RSU1: variants seen among roughly 807,000 people sequenced by gnomAD.
The protein encoded by RSU1 is Ras suppressor protein 1, also known as rsu-1.
RSU1 carries 26 observed loss-of-function variants against 31.1 expected under a neutral mutation model. The observed-to-expected ratio is 0.84, with a 90% CI of 0.61 to 1.16. RSU1 has a LOEUF of 1.16. RSU1 is among the 50% of genes most tolerant of loss of function. The probability of loss-of-function intolerance (pLI) is 0.00; values close to 1 mark genes in which losing one functional copy is unlikely to be tolerated. For synonymous variants in RSU1, 164 were observed against 136.3 expected (o/e 1.20, Z -1.41); for missense variants, 320 against 339.1 (o/e 0.94, Z 0.44).
intron 8 of RSU1, among the ~76,000 whole-genome samples, chr10:16,640,248 T>C (rs1307254387): frequency 2.6e-5 from 4 of 152,132 alleles, no homozygotes; most frequent in African/African-American, 4.8e-5. Flanking sequence ...GGTGGGAGCA[T>C]AACCCCGAGA....
chr10:16,728,880 C>T (rs527487369), intron 7 of RSU1, among the ~76,000 whole-genome samples: 1 of 152,146 alleles, frequency 6.6e-6, no homozygotes, highest in Non-Finnish European at 1.5e-5. Context: ...AGGCAAGGAG[C>T]CATTCTCCTC....
intron 2 of RSU1, among the ~76,000 whole-genome samples, chr10:16,805,886 G>C (rs1019773910): frequency 3.3e-5 from 5 of 152,082 alleles, no homozygotes; most frequent in African/African-American, 1.2e-4. Context: ...ATGAGGACTA[G>C]AAGGAGGAGT....
chr10:16,713,494 C>T (rs1347957551), intron 7 of RSU1, among the ~76,000 whole-genome samples: 2 of 152,154 alleles, frequency 1.3e-5, no homozygotes, highest in African/African-American at 4.8e-5. Context: ...CTTTCACTTG[C>T]ACTTTTTATT....
intron 8 of RSU1, among the ~76,000 whole-genome samples, chr10:16,669,582 CT>C (rs778358810): frequency 1.3e-5 from 2 of 152,086 alleles, no homozygotes; most frequent in East Asian, 3.9e-4. Context: ...TCTTCATCTT[CT>C]TTTTTTTGTT....
At chr10:16,778,451 C>A (rs1433841910) in intron 3 of RSU1, among the ~76,000 whole-genome samples, 2 of 152,172 alleles carry the variant, frequency 1.3e-5, no homozygotes. Flanking sequence ...CAGGTAATTA[C>A]TGCGAAGCCA....
At chr10:16,730,017 T>C (rs567863328) in intron 7 of RSU1, among the ~76,000 whole-genome samples, 2 of 152,268 alleles carry the variant, frequency 1.3e-5, no homozygotes, top group Non-Finnish European at 2.9e-5. Flanking sequence ...ACAAGAAGCA[T>C]GGCGCCAGCA....
At chr10:16,779,725 A>G (rs1314354357) in intron 3 of RSU1, among the ~76,000 whole-genome samples, 1 of 152,220 alleles carries the variant, frequency 6.6e-6, no homozygotes, top group Admixed American at 6.5e-5. Flanking sequence ...ACTGATTACC[A>G]TAAAAAGTGA....
intron 8 of RSU1, among the ~76,000 whole-genome samples, chr10:16,606,606 G>A (rs981552915): frequency 6.6e-6 from 1 of 152,156 alleles, no homozygotes; most frequent in African/African-American, 2.4e-5. Context: ...CAGGATTCCT[G>A]TAGTGTGCAC....
At chr10:16,815,101 A>G (rs1005996420) in intron 2 of RSU1, among the ~76,000 whole-genome samples, 7 of 152,200 alleles carry the variant, frequency 4.6e-5, no homozygotes, top group South Asian at 2.1e-4. Flanking sequence ...AGTGCCCCCA[A>G]TAATGACCAT....
At chr10:16,679,531 A>G (rs557827234) in intron 8 of RSU1, among the ~76,000 whole-genome samples, 2 of 152,220 alleles carry the variant, frequency 1.3e-5, no homozygotes, top group African/African-American at 4.8e-5. Flanking sequence ...ACCTTCCAAG[A>G]AAAGATCTCT....
At chr10:16,660,881 A>G (rs1281855946) in intron 8 of RSU1, among the ~76,000 whole-genome samples, 1 of 151,932 alleles carries the variant, frequency 6.6e-6, no homozygotes, top group African/African-American at 2.4e-5. Context: ...TCCTGGCCTC[A>G]AGTGATCCAC....
chr10:16,683,276 C>T (rs959701109), intron 8 of RSU1, among the ~76,000 whole-genome samples: 4 of 151,876 alleles, frequency 2.6e-5, no homozygotes, highest in Admixed American at 6.5e-5. Flanking sequence ...GTAGAGGCTA[C>T]AGATGAAGAG....
intron 2 of RSU1, among the ~76,000 whole-genome samples, chr10:16,787,680 C>G (rs1257537485): frequency 6.6e-6 from 1 of 152,154 alleles, no homozygotes; most frequent in African/African-American, 2.4e-5. Context: ...GGGAGTTCCC[C>G]TGCACACGCT....
chr10:16,791,648 A>G (rs1837918198), intron 2 of RSU1, among the ~76,000 whole-genome samples: 1 of 152,096 alleles, frequency 6.6e-6, no homozygotes. Flanking sequence ...AAAAAAAAAA[A>G]AAAGAAAAAT....
At chr10:16,785,441 C>CATATATACATATATATATACAT (rs1295145497) in intron 2 of RSU1, among the ~76,000 whole-genome samples, 1 of 137,582 alleles carries the variant, frequency 7.3e-6, no homozygotes, top group African/African-American at 2.9e-5. Context: ...TATATATATA[C>CATATATACATATATATATACAT]ACATATATAC....
At chr10:16,766,091 G>C (rs370995546) in intron 3 of RSU1, among the ~76,000 whole-genome samples, 3 of 152,352 alleles carry the variant, frequency 2.0e-5, no homozygotes, top group African/African-American at 7.2e-5. Context: ...GTAAGGCTTG[G>C]TGAAAGGTAA....
In RSU1 at chr10:16,754,981, C is replaced by A; in HGVS notation, c.290G>T (p.Arg97Met). ...GAAGCCTCGTGGCAAAGTGTTCAGC[C>A]TGTTCATGCTGTTGCAGGGGGACAA... ...KLKHLNLGMNRLNTLPRGFGS... is the reference protein window; with the variant it reads ...KLKHLNLGMNMLNTLPRGFGS... The change falls in exon 5 of 9, where the codon AGG becomes ATG. Residue 97 changes from arginine (R) to methionine (M), a missense_variant. Coordinates refer to ENST00000345264, the MANE Select transcript of RSU1 (RefSeq NM_012425.4). 1 of 1,608,646 alleles carries A rather than the reference C, an allele frequency of 6.2e-7. No individual in the cohort carries two copies. The highest frequency in any genetic ancestry group is 8.5e-7 in the Non-Finnish European group (1 of 1,176,384).
chr10:16,637,822 C>CAA (rs397738474), intron 8 of RSU1, among the ~76,000 whole-genome samples: 3 of 129,786 alleles, frequency 2.3e-5, no homozygotes, highest in Admixed American at 7.9e-5. Context: ...TATGGATCCT[C>CAA]AAAAAAAAAA....
chr10:16,717,813 T>G (rs17139070), intron 7 of RSU1, among the ~76,000 whole-genome samples: 9,339 of 152,126 alleles, frequency 0.061, 412 homozygotes, highest in African/African-American at 0.13. Flanking sequence ...AGGATCTACT[T>G]AGGCAACTTA....
Sources: allele counts gnomAD v4.1 joint callset (sites outside exome capture counted in the v4.1 genomes callset), GRCh38; gene constraint gnomAD v4.1.1; transcripts MANE v1.5; gene names NCBI Gene and HGNC (gene_info 2026-07-23, HGNC 2026-07-21).